ST3GAL4: variants seen among roughly 807,000 people sequenced by gnomAD.
ST3GAL4 encodes the protein CMP-N-acetylneuraminate-beta-galactosamide-alpha-2,3-sialyltransferase 4.
In ST3GAL4, 24 loss-of-function variants were observed where a neutral mutation model predicts 42.6. That is an observed-to-expected ratio of 0.56 (90% CI 0.41 to 0.79). The LOEUF is 0.79. Ranked by LOEUF, ST3GAL4 falls within the 30% of genes least tolerant of loss-of-function variation. ST3GAL4 has a pLI of 0.00. For synonymous variants in ST3GAL4, 135 were observed against 163.2 expected (o/e 0.83, Z 1.32); for missense variants, 311 against 430.8 (o/e 0.72, Z 2.46).
intron 1 of ST3GAL4, among the ~76,000 whole-genome samples, chr11:126,361,934 T>A (rs893506914): frequency 3.3e-5 from 5 of 150,782 alleles, no homozygotes; most frequent in African/African-American, 9.8e-5. Flanking sequence ...CAGGCTGGAG[T>A]GCAGTGGTGC....
rs933195248 is a variant in ST3GAL4, at chr11:126,379,571, G to A, written c.-61+23729G>A. 4.6e-5 allele frequency among the ~76,000 whole-genome samples: 7 copies of A among 152,026 alleles called. No homozygotes were observed. Among genetic ancestry groups the A allele is most frequent in the Non-Finnish European group, 1.0e-4 (7 of 68,002 alleles). On this transcript the variant is annotated intron_variant, in intron 1 of 10. Coordinates refer to ENST00000444328, the MANE Select transcript of ST3GAL4 (RefSeq NM_001254757.2). The surrounding 1 kb of genome is among the most constrained non-coding windows in gnomAD (Gnocchi z 4.2). The stretch of plus-strand genomic sequence containing the variant: ...TGGCTCACTGCAACCTCCACCTCCC[G>A]GGTTCAAGTAATTCTCCTGCCTCAT...
chr11:126,357,429 T>G (rs531545661), intron 1 of ST3GAL4, among the ~76,000 whole-genome samples: 100 of 152,222 alleles, frequency 6.6e-4, no homozygotes, highest in Non-Finnish European at 4.3e-4. Flanking sequence ...GTGGGTGTCT[T>G]TAGCTTGGGG....
At position 126,378,739 on chromosome 11, in the gene ST3GAL4, C is replaced by T. The variant is rs1952904900; in HGVS notation, c.-61+22897C>T. 6.6e-6 allele frequency among the ~76,000 whole-genome samples: 1 copy of T among 152,176 alleles called. No individual in the cohort carries two copies. Among genetic ancestry groups the T allele is most frequent in the South Asian group, 2.1e-4 (1 of 4,824 alleles). On this transcript the variant is annotated intron_variant, in intron 1 of 10. Transcript: ENST00000444328. This position sits in a 1 kb window ranked among gnomAD's most constrained non-coding sequence, Gnocchi z 5.3. ...GTCCAATAAGCAAGACTGTTATGTACATTATGTAGTGGATCTATTGAGGCA... is the reference window on the plus strand; with the variant it reads ...GTCCAATAAGCAAGACTGTTATGTATATTATGTAGTGGATCTATTGAGGCA...
chr11:126,388,767 CTTTTTTTTTTT>C (rs10683946), intron 1 of ST3GAL4, among the ~76,000 whole-genome samples: 1 of 52,056 alleles, frequency 1.9e-5, no homozygotes, highest in Non-Finnish European at 3.2e-5. Context: ...TTTTCAGTGT[CTTTTTTTTTTT>C]TTTTTTTTTT....
In ST3GAL4 at chr11:126,409,398, G is replaced by A. The variant is rs188895263; in HGVS notation, c.758G>A (p.Arg253Gln). 8.7e-6 allele frequency: 14 copies of A among 1,614,212 alleles called. No individual in the cohort carries two copies. The highest frequency in any genetic ancestry group is 6.7e-5 in the East Asian group (3 of 44,888). The change falls in exon 9 of 11, where the codon CGG becomes CAG. Residue 253 changes from arginine to glutamine, a missense_variant. Arg to Gln is a conservative substitution (Grantham distance 43). Coordinates refer to ENST00000444328, the MANE Select transcript of ST3GAL4 (RefSeq NM_001254757.2). The surrounding 1 kb of genome is among the most constrained non-coding windows in gnomAD (Gnocchi z 4.9). ...CTGAGCCTGCCAATGCAACAGCCACGGAAGATTAAGCAGGTGATGATGGGA... is the reference window on the plus strand; with the variant it reads ...CTGAGCCTGCCAATGCAACAGCCACAGAAGATTAAGCAGGTGATGATGGGA... Reference protein sequence around the residue: ...KLLSLPMQQPRKIKQKPTTGL... With the variant: ...KLLSLPMQQPQKIKQKPTTGL...
rs1217413772 is a variant in ST3GAL4 at position 126,383,894 on chromosome 11, G to C, written c.-60-22202G>C. Among the ~76,000 whole-genome samples, 3 of 152,144 alleles carry C rather than the reference G, an allele frequency of 2.0e-5. No individual in the cohort carries two copies. The South Asian group carries it at 6.2e-4, about 32-fold the overall frequency. ...CTGAGGGGGTGGGCTTCCTGCGGGG[G>C]ACAAACTGGAGAGGGACTCTCTTGC... On this transcript the variant is annotated intron_variant, in intron 1 of 10. Transcript: ENST00000444328. This position sits in a 1 kb window ranked among gnomAD's most constrained non-coding sequence, Gnocchi z 4.5.
At chr11:126,370,096 G>T (rs572850958) in intron 1 of ST3GAL4, among the ~76,000 whole-genome samples, 8 of 152,206 alleles carry the variant, frequency 5.3e-5, no homozygotes, top group Non-Finnish European at 7.3e-5. Context: ...AAAAAGTGCT[G>T]CAGTAAAGAT....
rs1169053091 is a variant in ST3GAL4, at chr11:126,383,985, A to T, written c.-60-22111A>T. 6.6e-6 allele frequency among the ~76,000 whole-genome samples: 1 copy of T among 152,044 alleles called. No individual in the cohort carries two copies. Among genetic ancestry groups the T allele is most frequent in the African/African-American group, 2.4e-5 (1 of 41,390 alleles). ...GGGCTTGCTTTTCCTGCCCACCCTC[A>T]TCTTTGCCGAGTCCTCGTCTGGGGG... On this transcript the variant is annotated intron_variant, in intron 1 of 10. Coordinates refer to ENST00000444328, the MANE Select transcript of ST3GAL4 (RefSeq NM_001254757.2). The surrounding 1 kb of genome is among the most constrained non-coding windows in gnomAD (Gnocchi z 4.5).
At position 126,398,868 on chromosome 11, in the gene ST3GAL4, A is replaced by G. The variant is rs1953886411; in HGVS notation, c.-60-7228A>G. ...ATTTAAGCCATGGCTGGGGAGGCAG[A>G]GGAGCACTGTGCCCAAATGTGGGAG... On this transcript the variant is annotated intron_variant, in intron 1 of 10. Transcript: ENST00000444328. The surrounding 1 kb of genome is among the most constrained non-coding windows in gnomAD (Gnocchi z 4.7). Among the ~76,000 whole-genome samples, 1 of 152,150 alleles carries G rather than the reference A, an allele frequency of 6.6e-6. No individual in the cohort carries two copies. The highest frequency in any genetic ancestry group is 1.5e-5 in the Non-Finnish European group (1 of 68,036).
chr11:126,398,893 G>A lies in ST3GAL4; in HGVS notation c.-60-7203G>A, dbSNP rs1254348866. ...AGGAGCACTGTGCCCAAATGTGGGA[G>A]CAGAGACTTGAGGTGGCCCTGGACA... is the stretch of plus-strand genomic sequence containing the variant. On this transcript the variant is annotated intron_variant, in intron 1 of 10. Transcript: ENST00000444328. The surrounding 1 kb of genome is among the most constrained non-coding windows in gnomAD (Gnocchi z 4.7). 2.6e-5 allele frequency among the ~76,000 whole-genome samples: 4 copies of A among 152,164 alleles called. No individual in the cohort carries two copies. The East Asian group carries it at 7.7e-4, about 29-fold the overall frequency.
At chr11:126,382,095 C>A (rs1953027233) in intron 1 of ST3GAL4, among the ~76,000 whole-genome samples, 2 of 152,092 alleles carry the variant, frequency 1.3e-5, no homozygotes, top group Non-Finnish European at 2.9e-5. Flanking sequence ...GCATCGCTGA[C>A]CCTGCAGCTG....
intron 1 of ST3GAL4, among the ~76,000 whole-genome samples, chr11:126,385,888 A>G (rs201800356): frequency 9.2e-5 from 14 of 151,770 alleles, no homozygotes; most frequent in Non-Finnish European, 1.3e-4. Flanking sequence ...TTTGTTATCA[A>G]TGCCCTCCAG....
chr11:126,358,492 G>T (rs1439961474), intron 1 of ST3GAL4: 1 of 454,694 alleles, frequency 2.2e-6, no homozygotes, highest in East Asian at 7.0e-5. Context: ...CCCAACCCCT[G>T]CCACATTTCG....
intron 1 of ST3GAL4, among the ~76,000 whole-genome samples, chr11:126,401,510 C>T (rs1218849178): frequency 3.3e-5 from 5 of 150,076 alleles, no homozygotes; most frequent in African/African-American, 4.9e-5. Flanking sequence ...CCAGTGGGTT[C>T]GTGCCACTTC....
chr11:126,403,843 C>G (rs1326627552), intron 1 of ST3GAL4, among the ~76,000 whole-genome samples: 1 of 152,166 alleles, frequency 6.6e-6, no homozygotes, highest in Non-Finnish European at 1.5e-5. Flanking sequence ...CCCGCCTGCC[C>G]TGCACCCCAT....
chr11:126,395,384 G>A (rs1953704450), intron 1 of ST3GAL4, among the ~76,000 whole-genome samples: 3 of 152,270 alleles, frequency 2.0e-5, no homozygotes, highest in South Asian at 2.1e-4. Context: ...AGAGCTGGAC[G>A]GAGAGAGATA....
rs574132045 is a variant in ST3GAL4 at position 126,411,893 on chromosome 11, C to T, written c.772-1612C>T. 6.6e-6 allele frequency among the ~76,000 whole-genome samples: 1 copy of T among 152,284 alleles called. No homozygotes were observed. The highest frequency in any genetic ancestry group is 2.1e-4 in the South Asian group (1 of 4,826). On this transcript the variant is annotated intron_variant, in intron 9 of 10. Coordinates refer to ENST00000444328, the MANE Select transcript of ST3GAL4 (RefSeq NM_001254757.2). This position sits in a 1 kb window ranked among gnomAD's most constrained non-coding sequence, Gnocchi z 6.3. ...GGTAATTAGGTCAAGCTCAGCAGGA[C>T]AGCCTCTCCTTTTGTGTTCAACTGT...
At position 126,373,182 on chromosome 11, in the gene ST3GAL4, C is replaced by T. The variant is rs967509034; in HGVS notation, c.-61+17340C>T. 2.0e-5 allele frequency among the ~76,000 whole-genome samples: 3 copies of T among 152,130 alleles called. No homozygotes were observed. Among genetic ancestry groups the T allele is most frequent in the South Asian group, 2.1e-4 (1 of 4,824 alleles). On this transcript the variant is annotated intron_variant, in intron 1 of 10. Transcript: ENST00000444328. The surrounding 1 kb of genome is among the most constrained non-coding windows in gnomAD (Gnocchi z 5.5). ...GAGAGGGGGTGCTGCTCTGGAGAGGCGGTGCTGCTTTGGAGATGGATTAAT... is the reference window on the plus strand; with the variant it reads ...GAGAGGGGGTGCTGCTCTGGAGAGGTGGTGCTGCTTTGGAGATGGATTAAT...
intron 6 of ST3GAL4, among the ~76,000 whole-genome samples, chr11:126,407,852 AC>A (rs916016535): frequency 6.7e-6 from 1 of 150,364 alleles, no homozygotes; most frequent in Non-Finnish European, 1.5e-5. Context: ...TCATTGATAC[AC>A]CCCCCCATGC....
Sources: allele counts gnomAD v4.1 joint callset (sites outside exome capture counted in the v4.1 genomes callset), GRCh38; gene constraint gnomAD v4.1.1; non-coding constraint Gnocchi (gnomAD v3.1); transcripts MANE v1.5; gene names NCBI Gene and HGNC (gene_info 2026-07-23, HGNC 2026-07-21).